MTMR3: variants seen among roughly 807,000 people sequenced by gnomAD.
MTMR3 encodes phosphatidylinositol-3,5-bisphosphate 3-phosphatase MTMR3.
MTMR3 carries 32 observed loss-of-function variants against 132.4 expected under a neutral mutation model. That is an observed-to-expected ratio of 0.24 (90% CI 0.18 to 0.32). The LOEUF (loss-of-function observed/expected upper bound fraction) is 0.32, where lower values mean the gene tolerates loss of function less well. Among genes scored for constraint, MTMR3 ranks in the 10% least tolerant of loss-of-function variants. The pLI, the probability that MTMR3 is intolerant of heterozygous loss-of-function variation, is 1.00. For missense variants in MTMR3, 1,216 were observed against 1,489.6 expected (o/e 0.82, Z 3.02); for synonymous variants, 556 against 550.3 (o/e 1.01, Z -0.14).
chr22:30,008,057 C>T (rs988013063), intron 11 of MTMR3, 25 bp downstream of exon 11: 2 of 1,608,250 alleles, frequency 1.2e-6, no homozygotes, highest in African/African-American at 2.7e-5. Context: ...GCTTTGTTCC[C>T]CATACTTTCT....
chr22:29,947,452 G>C (rs1374904456), intron 1 of MTMR3, among the ~76,000 whole-genome samples: 1 of 150,724 alleles, frequency 6.6e-6, no homozygotes, highest in Non-Finnish European at 1.5e-5. Context: ...CTGTATGTTT[G>C]AGAAAGTTTT....
intron 1 of MTMR3, among the ~76,000 whole-genome samples, chr22:29,941,574 C>T (rs942903191): frequency 2.0e-5 from 3 of 151,714 alleles, no homozygotes; most frequent in Non-Finnish European, 4.4e-5. Context: ...TTGCTCTTGC[C>T]AGTTTCTTTA....
chr22:29,929,379 G>A (rs1202573037), intron 1 of MTMR3, among the ~76,000 whole-genome samples: 2 of 152,002 alleles, frequency 1.3e-5, no homozygotes, highest in African/African-American at 2.4e-5. Flanking sequence ...ATGGAAAACA[G>A]TTTCTTTATT....
chr22:29,955,256 A>AT (rs1302240829), intron 1 of MTMR3, among the ~76,000 whole-genome samples: 1 of 152,204 alleles, frequency 6.6e-6, no homozygotes, highest in Non-Finnish European at 1.5e-5. Context: ...AAGTGTTGGG[A>AT]TTAGAGGTAT....
intron 1 of MTMR3, among the ~76,000 whole-genome samples, chr22:29,911,690 T>A (rs1569000849): frequency 6.6e-6 from 1 of 152,274 alleles, no homozygotes; most frequent in Non-Finnish European, 1.5e-5. Flanking sequence ...TAGTTTGGAC[T>A]TTAATCTCAG....
At chr22:29,883,526 G>A (rs1443021410) in intron 1 of MTMR3, among the ~76,000 whole-genome samples, 167 bp downstream of exon 1, 5 of 152,092 alleles carry the variant, frequency 3.3e-5, no homozygotes, top group African/African-American at 7.2e-5. Context: ...CGTCCCCGGC[G>A]GCTGTCGCCG....
At chr22:29,970,129 C>G (rs959678185) in intron 2 of MTMR3, among the ~76,000 whole-genome samples, 2 of 151,788 alleles carry the variant, frequency 1.3e-5, no homozygotes, top group Non-Finnish European at 2.9e-5. Flanking sequence ...CTTTTTTGTT[C>G]TTATAAAACC....
intron 1 of MTMR3, among the ~76,000 whole-genome samples, chr22:29,918,503 C>T (rs2065349775): frequency 6.6e-6 from 1 of 152,078 alleles, no homozygotes; most frequent in Non-Finnish European, 1.5e-5. Flanking sequence ...GAGACTTAGG[C>T]TTATAATACA....
intron 1 of MTMR3, among the ~76,000 whole-genome samples, chr22:29,916,928 A>G (rs1179066566): frequency 6.6e-6 from 1 of 152,204 alleles, no homozygotes; most frequent in Non-Finnish European, 1.5e-5. Flanking sequence ...TGCCAACACT[A>G]TCTCACTGCC....
At chr22:30,017,673 A>G (rs2067628874) in intron 15 of MTMR3, 4 of 432,280 alleles carry the variant, frequency 9.3e-6, no homozygotes, top group Non-Finnish European at 1.6e-5. Flanking sequence ...TATAATGAGA[A>G]AGGGATCTAA....
intron 1 of MTMR3, among the ~76,000 whole-genome samples, chr22:29,946,964 ATAAC>A (rs1447861040): frequency 2.0e-5 from 3 of 152,222 alleles, no homozygotes; most frequent in African/African-American, 7.2e-5. Context: ...CATTGAAAAA[ATAAC>A]TATATGCTTT....
intron 9 of MTMR3, 31 bp downstream of exon 9, chr22:30,003,024 G>T: frequency 6.6e-7 from 1 of 1,509,704 alleles, no homozygotes; most frequent in Non-Finnish European, 9.2e-7. Flanking sequence ...CCCAGCTTGG[G>T]CTGGTGCTGC....
At chr22:29,998,632 A>G in intron 7 of MTMR3, 129 bp from the exon 8 acceptor site, 1 of 462,498 alleles carries the variant, frequency 2.2e-6, no homozygotes, top group Non-Finnish European at 3.6e-6. Context: ...GACAGAGTGG[A>G]ATCCTGTCTC....
intron 6 of MTMR3, chr22:29,990,645 A>T (rs1169018599): frequency 6.6e-6 from 1 of 152,166 alleles, no homozygotes. Context: ...CAGTGGTGTG[A>T]TCTTGGCTCA....
Position 30,020,013 on chromosome 22 carries a change from G to C in MTMR3, c.2354G>C (p.Gly785Ala), listed in dbSNP as rs368918312. The change falls in exon 17 of 20, where the codon GGA becomes GCA. Residue 785 changes from glycine to alanine, a missense_variant. This residue lies in a region of MTMR3 where 852 missense variants were observed against 852.0 expected (regional missense o/e 1.00). Coordinates refer to ENST00000401950, the MANE Select transcript of MTMR3 (RefSeq NM_021090.4). ...AGTTCTCTCCAGGTCCCCCCCAGGG[G>C]AGAGGATTCCCTGGAGGTCCCTGTG... ...LLSSLQVPPR[G>A]EDSLEVPVEQ... is the part of the protein sequence containing the mutation. The C allele has an allele frequency of 2.5e-6, 4 of 1,614,090 alleles. No homozygotes were observed. The African/African-American group carries it at 5.3e-5, about 22-fold the overall frequency.
chr22:29,999,494 A>T (rs1350830137), intron 8 of MTMR3: 1 of 152,236 alleles, frequency 6.6e-6, no homozygotes, highest in Non-Finnish European at 1.5e-5. Context: ...AATTTCATGC[A>T]TGATGTTTTT....
chr22:29,893,611 AACTAGTATGCT>A (rs924167326), intron 1 of MTMR3, among the ~76,000 whole-genome samples: 2 of 152,186 alleles, frequency 1.3e-5, no homozygotes, highest in African/African-American at 4.8e-5. Flanking sequence ...TCTTCCAAAG[AACTAGTATGCT>A]ACTTCCCGCT....
intron 2 of MTMR3, among the ~76,000 whole-genome samples, chr22:29,967,208 T>C (rs1400253697): frequency 1.8e-5 from 2 of 112,186 alleles, no homozygotes; most frequent in African/African-American, 3.9e-5. Context: ...TGTGTGTGTG[T>C]GTGTGTGTGT....
chr22:29,928,092 C>T (rs911921700), intron 1 of MTMR3, among the ~76,000 whole-genome samples: 2 of 151,700 alleles, frequency 1.3e-5, no homozygotes, highest in Non-Finnish European at 2.9e-5. Context: ...AGGCGCAAAC[C>T]ACCACGCCTG....
Sources: gnomAD v4.1 joint callset for allele counts (sites outside exome capture counted in the v4.1 genomes callset) on GRCh38, gnomAD v4.1.1 for gene constraint, gnomAD v4.1.1 regional missense constraint, MANE v1.5 for transcripts, NCBI Gene and HGNC (gene_info 2026-07-23, HGNC 2026-07-21) for gene names.